The following IQCM variants were observed in gnomAD, a reference collection of about 807,000 sequenced individuals.
IQCM encodes IQ domain-containing protein M.
A neutral mutation model predicts 57.6 loss-of-function variants in IQCM; 45 were observed. The ratio of observed to expected loss-of-function variants is 0.78; its 90% CI spans 0.62 to 1.00. The LOEUF (loss-of-function observed/expected upper bound fraction) is 1.00, where lower values mean the gene tolerates loss of function less well. Ranked by LOEUF, IQCM falls within the 50% of genes least tolerant of loss-of-function variation. The pLI is 0.00. For synonymous variants in IQCM, 148 were observed against 158.9 expected, an observed-to-expected ratio of 0.93 and a Z score of 0.51; for missense variants, 468 against 511.6, an observed-to-expected ratio of 0.91 and a Z score of 0.82.
intron 13 of IQCM, among the ~76,000 whole-genome samples, chr4:149,355,950 A>G (rs563116230): frequency 0.011 from 1,721 of 152,180 alleles, 30 homozygotes; most frequent in African/African-American, 0.04. Flanking sequence ...CTGGTGTGAG[A>G]TGGTATCTCA....
At chr4:149,400,890 T>C (rs933360441) in intron 13 of IQCM, among the ~76,000 whole-genome samples, 1 of 151,932 alleles carries the variant, frequency 6.6e-6, no homozygotes, top group Non-Finnish European at 1.5e-5. Flanking sequence ...CTAATTCTTA[T>C]GACAGACTAT....
At chr4:149,790,676 G>A (rs1772517024) in intron 2 of IQCM, among the ~76,000 whole-genome samples, 1 of 152,082 alleles carries the variant, frequency 6.6e-6, no homozygotes, top group African/African-American at 2.4e-5. Context: ...TTTTAATTGT[G>A]CAATACAACC....
chr4:149,795,053 G>A (rs965525117), intron 2 of IQCM, among the ~76,000 whole-genome samples: 1 of 151,998 alleles, frequency 6.6e-6, no homozygotes, highest in Non-Finnish European at 1.5e-5. Flanking sequence ...AAATGGAAAC[G>A]CTAAAAAGAA....
chr4:149,545,731 G>A (rs1748331329), intron 12 of IQCM, among the ~76,000 whole-genome samples: 1 of 151,896 alleles, frequency 6.6e-6, no homozygotes, highest in South Asian at 2.1e-4. Flanking sequence ...AGAGATAGCT[G>A]TACCTATATT....
intron 7 of IQCM, among the ~76,000 whole-genome samples, chr4:149,629,027 A>G (rs986470569): frequency 2.6e-5 from 4 of 152,212 alleles, no homozygotes; most frequent in African/African-American, 9.7e-5. Flanking sequence ...AAAACACTTA[A>G]CTAAAGACTG....
intron 13 of IQCM, among the ~76,000 whole-genome samples, chr4:149,398,639 T>C (rs1186311874): frequency 6.6e-6 from 1 of 152,100 alleles, no homozygotes. Context: ...CTTAATGTAC[T>C]TTCTGGATAG....
intron 8 of IQCM, among the ~76,000 whole-genome samples, chr4:149,600,152 A>G (rs904495312): frequency 2.6e-5 from 4 of 152,194 alleles, no homozygotes; most frequent in African/African-American, 9.6e-5. Flanking sequence ...ATGTAAATCC[A>G]TTCTAAATGA....
chr4:149,587,578 CA>C (rs555085455), intron 9 of IQCM, among the ~76,000 whole-genome samples: 23 of 150,022 alleles, frequency 1.5e-4, no homozygotes, highest in African/African-American at 4.1e-4. Flanking sequence ...TTCTAACAAA[CA>C]AAAAAAAATA....
At chr4:149,563,207 G>C (rs1285714179) in intron 10 of IQCM, among the ~76,000 whole-genome samples, 4 of 152,112 alleles carry the variant, frequency 2.6e-5, no homozygotes, top group Non-Finnish European at 5.9e-5. Flanking sequence ...CCAGGAGTGT[G>C]GGAAGTGAAG....
chr4:149,476,586 A>T (rs768762043), intron 12 of IQCM, among the ~76,000 whole-genome samples: 50 of 152,142 alleles, frequency 3.3e-4, no homozygotes, highest in Non-Finnish European at 3.2e-4. Flanking sequence ...AGAAGTTTGT[A>T]TTAATACATT....
At chr4:149,667,885 T>C (rs1358088897) in intron 7 of IQCM, among the ~76,000 whole-genome samples, 1 of 151,350 alleles carries the variant, frequency 6.6e-6, no homozygotes, top group Non-Finnish European at 1.5e-5. Context: ...TAGAGAAGAA[T>C]GAAAAGGAAC....
At chr4:149,722,456 A>G (rs1394305262) in intron 5 of IQCM, among the ~76,000 whole-genome samples, 1 of 151,904 alleles carries the variant, frequency 6.6e-6, no homozygotes, top group Non-Finnish European at 1.5e-5. Flanking sequence ...ATCTATCTTA[A>G]TTTTTGCATA....
At chr4:149,386,312 A>G (rs1005072455) in intron 13 of IQCM, among the ~76,000 whole-genome samples, 2 of 152,064 alleles carry the variant, frequency 1.3e-5, no homozygotes, top group African/African-American at 2.4e-5. Flanking sequence ...TTTGAAAATA[A>G]AATTTTAATC....
At chr4:149,569,123 G>A (rs1204509989) in intron 9 of IQCM, among the ~76,000 whole-genome samples, 2 of 152,180 alleles carry the variant, frequency 1.3e-5, no homozygotes, top group African/African-American at 2.4e-5. Flanking sequence ...GAGAGAAGTT[G>A]TGCCCACTAG....
chr4:149,489,626 A>C (rs1293468145), intron 12 of IQCM, among the ~76,000 whole-genome samples: 1 of 152,030 alleles, frequency 6.6e-6, no homozygotes, highest in Admixed American at 6.6e-5. Context: ...TGGCTGTGAT[A>C]CAAAAACTAT....
chr4:149,391,077 ATTC>A (rs771851767), intron 13 of IQCM, among the ~76,000 whole-genome samples: 52 of 152,042 alleles, frequency 3.4e-4, no homozygotes, highest in Non-Finnish European at 6.0e-4. Context: ...ATTGGCATTA[ATTC>A]TTCTTTAAAT....
intron 5 of IQCM, among the ~76,000 whole-genome samples, chr4:149,721,787 C>A (rs540793209): frequency 1.7e-3 from 260 of 152,136 alleles, no homozygotes; most frequent in African/African-American, 5.1e-3. Flanking sequence ...AAAATGACTT[C>A]TTTTCCTTTG....
At chr4:149,544,237 A>G (rs1748156807) in intron 12 of IQCM, among the ~76,000 whole-genome samples, 1 of 152,182 alleles carries the variant, frequency 6.6e-6, no homozygotes, top group Admixed American at 6.5e-5. Context: ...AAGCTAACAA[A>G]CAAAAATCAG....
Position 149,398,145 on chromosome 4 carries a change from G to C in IQCM, c.1390+35251C>G, listed in dbSNP as rs569913365. Among the ~76,000 whole-genome samples, 29 of 152,060 alleles carry C rather than the reference G, an allele frequency of 1.9e-4. No homozygotes were observed. In the South Asian group the frequency reaches 6.0e-3, roughly 32 times the overall value. The stretch of plus-strand genomic sequence containing the variant: ...CAGTTTTCCCAACACCTTTATTGAA[G>C]GTGTTGTGTATTCTTGGTGCCCTTA... On this transcript the variant is annotated intron_variant, in intron 13 of 13. Coordinates refer to ENST00000636793, the MANE Select transcript of IQCM (RefSeq NM_001363507.2).
Sources: gnomAD v4.1 joint callset for allele counts (sites outside exome capture counted in the v4.1 genomes callset) on GRCh38, gnomAD v4.1.1 for gene constraint, MANE v1.5 for transcripts, NCBI Gene and HGNC (gene_info 2026-07-23, HGNC 2026-07-21) for gene names.